The following NKAIN2 variants were observed in gnomAD, a reference collection of about 807,000 sequenced individuals.
NKAIN2 encodes the protein sodium/potassium-transporting ATPase subunit beta-1-interacting protein 2.
A neutral mutation model predicts 32.6 loss-of-function variants in NKAIN2; 14 were observed. The ratio of observed to expected loss-of-function variants is 0.43; its 90% CI spans 0.28 to 0.67. NKAIN2 has a LOEUF of 0.67. Among genes scored for constraint, NKAIN2 ranks in the 30% least tolerant of loss-of-function variants. NKAIN2 has a pLI of 0.17. For synonymous variants in NKAIN2, 80 were observed against 87.2 expected, an observed-to-expected ratio of 0.92 and a Z score of 0.46; for missense variants, 198 against 258.3, an observed-to-expected ratio of 0.77 and a Z score of 1.60.
At chr6:123,904,091 C>T (rs1478889334) in intron 1 of NKAIN2, among the ~76,000 whole-genome samples, 2 of 151,852 alleles carry the variant, frequency 1.3e-5, no homozygotes, top group African/African-American at 2.4e-5. Flanking sequence ...TTCAGCCAGA[C>T]GTGGTGGTGC....
chr6:124,631,228 C>G (rs1783552880), intron 3 of NKAIN2, among the ~76,000 whole-genome samples: 1 of 152,070 alleles, frequency 6.6e-6, no homozygotes, highest in African/African-American at 2.4e-5. Flanking sequence ...TAATCATTCT[C>G]AAATACAGCA....
intron 1 of NKAIN2, among the ~76,000 whole-genome samples, chr6:124,217,234 G>C (rs1278788927): frequency 6.6e-6 from 1 of 152,138 alleles, no homozygotes; most frequent in Non-Finnish European, 1.5e-5. Flanking sequence ...AGAGGGGGAA[G>C]AGTGAGGTAG....
At position 124,825,041 on chromosome 6, in the gene NKAIN2, C is replaced by T. The variant is rs569375727; in HGVS notation, c.*1812C>T. On this transcript the variant is annotated 3_prime_UTR_variant, in exon 7 of 7. Coordinates refer to ENST00000368417, the MANE Select transcript of NKAIN2 (RefSeq NM_001040214.3). ...ACAATTGCAAACATGTCAGTGAAAC[C>T]TCATATGACGCTTTTATAGTGACAT... is the stretch of plus-strand genomic sequence containing the variant. 2 of 152,612 alleles carry T rather than the reference C, an allele frequency of 1.3e-5. No homozygotes were observed. The highest frequency in any genetic ancestry group is 4.1e-4 in the South Asian group (2 of 4,822). The allele number at this position is 152,612 out of a possible 1,614,324, so 9.5% of individuals were successfully genotyped here. A position where few individuals can be genotyped will look rare whatever the true frequency, so the allele number is the denominator to read the frequency against.
chr6:124,656,422 C>A (rs1223620441), intron 3 of NKAIN2, among the ~76,000 whole-genome samples: 1 of 152,260 alleles, frequency 6.6e-6, no homozygotes, highest in South Asian at 2.1e-4. Flanking sequence ...CCATCCCTAT[C>A]TCACAACTAT....
intron 3 of NKAIN2, among the ~76,000 whole-genome samples, chr6:124,493,229 T>C (rs1169164265): frequency 6.6e-6 from 1 of 152,034 alleles, no homozygotes; most frequent in Non-Finnish European, 1.5e-5. Context: ...ATATCAGAAA[T>C]ACTTGAAAAC....
At chr6:124,618,656 G>A (rs1337467510) in intron 3 of NKAIN2, among the ~76,000 whole-genome samples, 3 of 152,098 alleles carry the variant, frequency 2.0e-5, no homozygotes. Flanking sequence ...CCTAAATTTT[G>A]AATGGAACAA....
At chr6:124,308,740 G>C (rs1193364314) in intron 2 of NKAIN2, among the ~76,000 whole-genome samples, 3 of 151,972 alleles carry the variant, frequency 2.0e-5, no homozygotes, top group Non-Finnish European at 4.4e-5. Flanking sequence ...CCCTTCTTAA[G>C]TATATTTACC....
intron 1 of NKAIN2, among the ~76,000 whole-genome samples, chr6:123,901,024 C>T (rs1437188314): frequency 1.3e-5 from 2 of 152,120 alleles, no homozygotes; most frequent in Non-Finnish European, 2.9e-5. Flanking sequence ...CGTATCATTC[C>T]ATTGTCCTCT....
chr6:123,875,969 C>T (rs1012888110), intron 1 of NKAIN2, among the ~76,000 whole-genome samples: 2 of 152,054 alleles, frequency 1.3e-5, no homozygotes, highest in Non-Finnish European at 2.9e-5. Context: ...GGCAGTCTCT[C>T]AGTTCTGCTA....
chr6:124,253,620 C>T (rs889786553), intron 1 of NKAIN2, among the ~76,000 whole-genome samples: 10 of 152,030 alleles, frequency 6.6e-5, no homozygotes, highest in Non-Finnish European at 1.3e-4. Context: ...CTATTATTTA[C>T]CTTGAAAATC....
At chr6:124,693,915 ATCTGTT>A (rs1359362321) in intron 4 of NKAIN2, among the ~76,000 whole-genome samples, 1 of 152,174 alleles carries the variant, frequency 6.6e-6, no homozygotes, top group Non-Finnish European at 1.5e-5. Context: ...TCTAAATTGC[ATCTGTT>A]TCAGTCCTGC....
At chr6:123,836,906 G>A (rs534866944) in intron 1 of NKAIN2, among the ~76,000 whole-genome samples, 1 of 152,092 alleles carries the variant, frequency 6.6e-6, no homozygotes, top group Non-Finnish European at 1.5e-5. Context: ...ACTCCTCTCC[G>A]ACTTATTTCT....
At chr6:124,214,158 A>G (rs567703277) in intron 1 of NKAIN2, among the ~76,000 whole-genome samples, 2 of 152,298 alleles carry the variant, frequency 1.3e-5, no homozygotes, top group Non-Finnish European at 2.9e-5. Flanking sequence ...TATTCTCATC[A>G]TAACTAGTTT....
chr6:124,599,056 CTG>C (rs1782207946), intron 3 of NKAIN2, among the ~76,000 whole-genome samples: 1 of 148,736 alleles, frequency 6.7e-6, no homozygotes, highest in South Asian at 2.1e-4. Context: ...TGATTTCCCA[CTG>C]TAGTTTTTTC....
chr6:124,447,894 T>C, intron 3 of NKAIN2, among the ~76,000 whole-genome samples: 1 of 152,148 alleles, frequency 6.6e-6, no homozygotes. Flanking sequence ...TGTGAAGTGC[T>C]GTCACTCCTT....
rs910603833 is a variant in NKAIN2, at chr6:124,084,671, G to T, written c.55-198334G>T. On this transcript the variant is annotated intron_variant, in intron 1 of 6. Transcript: ENST00000368417. The stretch of plus-strand genomic sequence containing the variant: ...AAGTCCGGGAAAAAAGGGAAAACAC[G>T]CTCCATCTACTTGTAGAAAACAAGT... 2.6e-5 allele frequency among the ~76,000 whole-genome samples: 4 copies of T among 151,904 alleles called. No individual in the cohort carries two copies. In the South Asian group the frequency reaches 6.2e-4, roughly 24 times the overall value.
At chr6:124,039,362 A>G (rs1781757987) in intron 1 of NKAIN2, among the ~76,000 whole-genome samples, 1 of 151,822 alleles carries the variant, frequency 6.6e-6, no homozygotes. Flanking sequence ...AAAATAAACA[A>G]TTTCTGTTTG....
rs564679850 is a variant in NKAIN2 at position 124,824,761 on chromosome 6, T to C, written c.*1532T>C. The C allele has an allele frequency of 6.6e-6, 1 of 152,314 alleles. No individual in the cohort carries two copies. Among genetic ancestry groups the C allele is most frequent in the East Asian group, 1.9e-4 (1 of 5,186 alleles). 9.4% of individuals were successfully genotyped at this position (152,314 alleles called of 1,614,324 possible). A position where few individuals can be genotyped will look rare whatever the true frequency, so the allele number is the denominator to read the frequency against. ...GTTATAAATTGGCATGGAGCAAGTT[T>C]TTTCTTTGATTTCTATGAAGTTTCA... On this transcript the variant is annotated 3_prime_UTR_variant, in exon 7 of 7. Transcript: ENST00000368417.
chr6:123,990,169 GA>G (rs1313504092), intron 1 of NKAIN2, among the ~76,000 whole-genome samples: 1 of 152,110 alleles, frequency 6.6e-6, no homozygotes, highest in Non-Finnish European at 1.5e-5. Flanking sequence ...CAGCATGGGG[GA>G]AACCACCCCC....
Sources: gnomAD v4.1 joint callset for allele counts (sites outside exome capture counted in the v4.1 genomes callset) on GRCh38, gnomAD v4.1.1 for gene constraint, MANE v1.5 for transcripts, NCBI Gene and HGNC (gene_info 2026-07-23, HGNC 2026-07-21) for gene names.